Variants in AGAP1 observed in about 807,000 individuals in gnomAD.
AGAP1 encodes the protein arf-GAP with GTPase, ANK repeat and PH domain-containing protein 1.
In AGAP1, 29 loss-of-function variants were observed where a neutral mutation model predicts 105.3. The observed-to-expected ratio is 0.28, with a 90% CI of 0.21 to 0.38. The LOEUF (loss-of-function observed/expected upper bound fraction) is 0.38, where lower values mean the gene tolerates loss of function less well. Among genes scored for constraint, AGAP1 ranks in the 10% least tolerant of loss-of-function variants. The probability of loss-of-function intolerance (pLI) is 1.00; values close to 1 mark genes in which losing one functional copy is unlikely to be tolerated. For synonymous variants in AGAP1, 509 were observed against 485.9 expected, an observed-to-expected ratio of 1.05 and a Z score of -0.63; for missense variants, 998 against 1,165.1, an observed-to-expected ratio of 0.86 and a Z score of 2.09.
At position 235,875,022 on chromosome 2, in the gene AGAP1, T is replaced by A. The variant is rs2049646224; in HGVS notation, c.1051-8323T>A. Among the ~76,000 whole-genome samples, 1 of 152,214 alleles carries A rather than the reference T, an allele frequency of 6.6e-6. No homozygotes were observed. Among genetic ancestry groups the A allele is most frequent in the Non-Finnish European group, 1.5e-5 (1 of 68,042 alleles). On this transcript the variant is annotated intron_variant, in intron 9 of 17. Coordinates refer to ENST00000304032, the MANE Select transcript of AGAP1 (RefSeq NM_001037131.3). The surrounding 1 kb of genome is among the most constrained non-coding windows in gnomAD (Gnocchi z 4.0). ...GGCAAAAAAAGAAACTAGAACTGGTTGAAGACTGAGTTTTGGGAGAAGAAC... is the reference window on the plus strand; with the variant it reads ...GGCAAAAAAAGAAACTAGAACTGGTAGAAGACTGAGTTTTGGGAGAAGAAC...
intron 6 of AGAP1, among the ~76,000 whole-genome samples, chr2:235,767,311 C>G (rs1239203349): frequency 2.6e-5 from 4 of 152,208 alleles, no homozygotes; most frequent in African/African-American, 9.6e-5. Context: ...GAGTGATTGG[C>G]CAGGCACCTC....
At chr2:235,718,309 T>G (rs1951220609) in intron 3 of AGAP1, 7 of 937,832 alleles carry the variant, frequency 7.5e-6, no homozygotes, top group Non-Finnish European at 8.9e-6. Context: ...CGTGTAACTT[T>G]GTTAAATCCA....
intron 16 of AGAP1, among the ~76,000 whole-genome samples, chr2:236,103,672 C>A (rs1414773366): frequency 6.6e-6 from 1 of 151,970 alleles, no homozygotes; most frequent in Non-Finnish European, 1.5e-5. Context: ...TGGGTTCAAG[C>A]AGTTCTCCTG....
intron 9 of AGAP1, among the ~76,000 whole-genome samples, chr2:235,807,922 A>G (rs1039281864): frequency 1.3e-5 from 2 of 152,188 alleles, no homozygotes; most frequent in Non-Finnish European, 2.9e-5. Context: ...GGCCTTAATT[A>G]AACTTTCTCA....
At chr2:235,795,698 AGTTACC>A (rs948625265) in intron 6 of AGAP1, among the ~76,000 whole-genome samples, 4 of 152,234 alleles carry the variant, frequency 2.6e-5, no homozygotes, top group African/African-American at 9.6e-5. Context: ...AACTACTACC[AGTTACC>A]GGATGTTGTG....
intron 1 of AGAP1, among the ~76,000 whole-genome samples, chr2:235,702,140 T>G (rs528927214): frequency 1.3e-5 from 2 of 152,116 alleles, no homozygotes; most frequent in Non-Finnish European, 2.9e-5. Context: ...CCAAACAGAA[T>G]TGGGGGCTGG....
At position 235,689,135 on chromosome 2, in the gene AGAP1, T is replaced by C. The variant is rs565785745; in HGVS notation, c.164-20044T>C. On this transcript the variant is annotated intron_variant, in intron 1 of 17. Coordinates refer to ENST00000304032, the MANE Select transcript of AGAP1 (RefSeq NM_001037131.3). The surrounding 1 kb of genome is among the most constrained non-coding windows in gnomAD (Gnocchi z 4.2). The stretch of plus-strand genomic sequence containing the variant: ...AAGAAATAAGCCCAAGGCTATCCCA[T>C]GAGTTAGGGGCTTCAGGGCTTCTGC... Among the ~76,000 whole-genome samples, 27 of 152,330 alleles carry C rather than the reference T, an allele frequency of 1.8e-4. No homozygotes were observed. The East Asian group carries it at 4.4e-3, about 25-fold the overall frequency.
rs959341079 is a variant in AGAP1 at position 235,855,081 on chromosome 2, G to A, written c.1051-28264G>A. On this transcript the variant is annotated intron_variant, in intron 9 of 17. Coordinates refer to ENST00000304032, the MANE Select transcript of AGAP1 (RefSeq NM_001037131.3). This position sits in a 1 kb window ranked among gnomAD's most constrained non-coding sequence, Gnocchi z 5.0. ...AGGGTGACTAATGGACCCTTATTTC[G>A]TGAAGGAACAGAAAAGTAGAAAAGG... Among the ~76,000 whole-genome samples the A allele has an allele frequency of 2.0e-5, 3 of 152,170 alleles. No individual in the cohort carries two copies. The highest frequency in any genetic ancestry group is 3.9e-4 in the East Asian group (2 of 5,194).
At chr2:235,581,866 A>G (rs1009126689) in intron 1 of AGAP1, among the ~76,000 whole-genome samples, 1 of 152,304 alleles carries the variant, frequency 6.6e-6, no homozygotes, top group South Asian at 2.1e-4. Flanking sequence ...TCACGGGGAC[A>G]TTCTCAAACA....
At chr2:235,624,488 G>C (rs1946577382) in intron 1 of AGAP1, among the ~76,000 whole-genome samples, 1 of 152,170 alleles carries the variant, frequency 6.6e-6, no homozygotes, top group Non-Finnish European at 1.5e-5. Flanking sequence ...GCTACATGTT[G>C]CTCTGGTTCT....
chr2:235,743,937 C>T (rs1003062297), intron 4 of AGAP1, among the ~76,000 whole-genome samples: 8 of 152,314 alleles, frequency 5.3e-5, no homozygotes, highest in African/African-American at 1.9e-4. Flanking sequence ...TCCAAGATGG[C>T]TGTTGGTACT....
At chr2:235,702,264 A>G (rs1203632127) in intron 1 of AGAP1, among the ~76,000 whole-genome samples, 1 of 152,102 alleles carries the variant, frequency 6.6e-6, no homozygotes, top group Non-Finnish European at 1.5e-5. Flanking sequence ...TCTGCTGGGG[A>G]ATGAGCCCAC....
intron 1 of AGAP1, among the ~76,000 whole-genome samples, chr2:235,606,887 G>A (rs1348491015): frequency 6.9e-6 from 1 of 144,326 alleles, no homozygotes; most frequent in African/African-American, 2.6e-5. Context: ...GCTGCAGTGA[G>A]CTGAGATCAC....
At chr2:235,968,825 A>T (rs909252618) in intron 13 of AGAP1, among the ~76,000 whole-genome samples, 2 of 151,960 alleles carry the variant, frequency 1.3e-5, no homozygotes, top group African/African-American at 4.8e-5. Context: ...TACGCAACCA[A>T]ATCTGCTGTC....
intron 1 of AGAP1, among the ~76,000 whole-genome samples, chr2:235,672,779 A>G (rs962842642): frequency 6.6e-6 from 1 of 152,240 alleles, no homozygotes; most frequent in Non-Finnish European, 1.5e-5. Context: ...AATGCATTTC[A>G]TTGTGGTCCC....
At position 235,993,626 on chromosome 2, in the gene AGAP1, G is replaced by A. The variant is rs1310603488; in HGVS notation, c.1645+25003G>A. Among the ~76,000 whole-genome samples, 2 of 152,216 alleles carry A rather than the reference G, an allele frequency of 1.3e-5. No homozygotes were observed. The highest frequency in any genetic ancestry group is 1.3e-4 in the Admixed American group (2 of 15,280). On this transcript the variant is annotated intron_variant, in intron 13 of 17. Coordinates refer to ENST00000304032, the MANE Select transcript of AGAP1 (RefSeq NM_001037131.3). The surrounding 1 kb of genome is among the most constrained non-coding windows in gnomAD (Gnocchi z 5.0). Reference sequence around the variant, plus strand: ...CAAGATACTGTGAAGGAAAATGCTTGGAGAATGTTGCAGCCTGTGTCCCTG... The same window carrying A: ...CAAGATACTGTGAAGGAAAATGCTTAGAGAATGTTGCAGCCTGTGTCCCTG...
At chr2:235,676,637 A>G (rs968930414) in intron 1 of AGAP1, among the ~76,000 whole-genome samples, 3 of 152,242 alleles carry the variant, frequency 2.0e-5, no homozygotes, top group Non-Finnish European at 2.9e-5. Context: ...CACTAAACAT[A>G]AAACAGGATG....
At chr2:236,106,508 C>A (rs939604739) in intron 16 of AGAP1, among the ~76,000 whole-genome samples, 3 of 152,260 alleles carry the variant, frequency 2.0e-5, no homozygotes, top group Non-Finnish European at 2.9e-5. Flanking sequence ...ACACTTCTTC[C>A]AGCCTTGTGG....
Position 235,632,444 on chromosome 2 carries a change from T to C in AGAP1, c.164-76735T>C, listed in dbSNP as rs543482542. On this transcript the variant is annotated intron_variant, in intron 1 of 17. Coordinates refer to ENST00000304032, the MANE Select transcript of AGAP1 (RefSeq NM_001037131.3). ...GGAGCCCCTGTTTCGCCACGTCCAT[T>C]ACGCTTGCAGTAGTCAGCAACTGCC... Among the ~76,000 whole-genome samples, 4 of 152,300 alleles carry C rather than the reference T, an allele frequency of 2.6e-5. No homozygotes were observed. In the East Asian group the frequency reaches 7.7e-4, roughly 29 times the overall value.
Sources: allele counts gnomAD v4.1 joint callset (sites outside exome capture counted in the v4.1 genomes callset), GRCh38; gene constraint gnomAD v4.1.1; non-coding constraint Gnocchi (gnomAD v3.1); transcripts MANE v1.5; gene names NCBI Gene and HGNC (gene_info 2026-07-23, HGNC 2026-07-21).